DISC1: variants seen among roughly 807,000 people sequenced by gnomAD.
DISC1 encodes the protein DISC1 scaffold protein, also known as disrupted in schizophrenia 1 protein.
In DISC1, 57 loss-of-function variants were observed where a neutral mutation model predicts 84.5. That is an observed-to-expected ratio of 0.67 (90% CI 0.55 to 0.84). The LOEUF is 0.84. DISC1 is among the 40% of genes least tolerant of loss of function. The pLI, the probability that DISC1 is intolerant of heterozygous loss-of-function variation, is 0.00. For missense variants in DISC1, 1,000 were observed against 1,057.8 expected (o/e 0.95, Z 0.76); for synonymous variants, 411 against 415.2 (o/e 0.99, Z 0.12).
chr1:231,848,006 CTT>C (rs2083585793), intron 9 of DISC1, among the ~76,000 whole-genome samples: 3 of 152,264 alleles, frequency 2.0e-5, no homozygotes, highest in African/African-American at 7.2e-5. Context: ...AAGTCCAAGA[CTT>C]TATTTTTTTA....
chr1:231,870,499 G>A (rs1558672552), intron 9 of DISC1, among the ~76,000 whole-genome samples: 1 of 152,206 alleles, frequency 6.6e-6, no homozygotes, highest in Non-Finnish European at 1.5e-5. Flanking sequence ...TCTCTGAGCG[G>A]CCCGAGCTGT....
intron 9 of DISC1, among the ~76,000 whole-genome samples, chr1:231,922,100 C>T (rs923523935): frequency 5.3e-5 from 8 of 152,150 alleles, no homozygotes; most frequent in Non-Finnish European, 1.0e-4. Flanking sequence ...TGGGTGAATC[C>T]TGATTCTGCC....
chr1:231,999,849 A>C (rs933648588), intron 10 of DISC1, among the ~76,000 whole-genome samples: 16 of 135,632 alleles, frequency 1.2e-4, no homozygotes, highest in African/African-American at 4.4e-4. Flanking sequence ...ACAACAACAA[A>C]ACAACCAACT....
rs947881419 is a variant in DISC1, at chr1:231,679,360, G to T, written c.68-14466G>T. ...GGAGCAGCCAGCACCTCTGCTTCCT[G>T]CCTCCTCTGGCAGATGGCCCTGATC... is the stretch of plus-strand genomic sequence containing the variant. On this transcript the variant is annotated intron_variant, in intron 1 of 12. Transcript: ENST00000439617. Among the ~76,000 whole-genome samples the T allele has an allele frequency of 5.9e-5, 9 of 152,342 alleles. No individual in the cohort carries two copies. In the South Asian group the frequency reaches 1.5e-3, roughly 25 times the overall value.
In DISC1 at chr1:231,958,775, AT is replaced by A. The variant is rs1659968594; in HGVS notation, c.1982-51del. The A allele has an allele frequency of 9.0e-6, 14 of 1,552,488 alleles. No homozygotes were observed. In the South Asian group the frequency reaches 1.5e-4, roughly 16 times the overall value. On this transcript the variant is annotated intron_variant, in intron 9 of 12. Transcript: ENST00000439617. The stretch of plus-strand genomic sequence containing the variant: ...TTGAGCTTTTAGTTGAATGGTTTTT[AT>A]TCAATTGTGACTGCAGTTGCATTAA...
At chr1:231,977,837 TTAA>T (rs1166572479) in intron 10 of DISC1, among the ~76,000 whole-genome samples, 10 of 152,306 alleles carry the variant, frequency 6.6e-5, no homozygotes, top group Non-Finnish European at 1.2e-4. Context: ...CCTAAAAACA[TTAA>T]TAAGAATTCT....
chr1:231,948,926 G>A (rs1158664711), intron 9 of DISC1, among the ~76,000 whole-genome samples: 1 of 143,596 alleles, frequency 7.0e-6, no homozygotes, highest in African/African-American at 2.6e-5. Flanking sequence ...CTGGAGTGCA[G>A]TGGTGCGATC....
rs577456285 is a variant in DISC1 at position 231,675,538 on chromosome 1, A to T, written c.68-18288A>T. ...ATTTCTCCCTCATACATGTACATTT[A>T]CTCTCAAAATTTCCTGGGCTAGTAG... On this transcript the variant is annotated intron_variant, in intron 1 of 12. Transcript: ENST00000439617. This position sits in a 1 kb window ranked among gnomAD's most constrained non-coding sequence, Gnocchi z 4.1. Among the ~76,000 whole-genome samples, 1 of 152,162 alleles carries T rather than the reference A, an allele frequency of 6.6e-6. No homozygotes were observed. The highest frequency in any genetic ancestry group is 2.1e-4 in the South Asian group (1 of 4,826).
At chr1:231,741,523 G>T (rs975763333) in intron 3 of DISC1, among the ~76,000 whole-genome samples, 17 of 152,204 alleles carry the variant, frequency 1.1e-4, no homozygotes, top group African/African-American at 3.9e-4. Flanking sequence ...ACTATACAAT[G>T]ACCAACACTG....
chr1:231,779,562 T>G lies in DISC1; in HGVS notation c.1634+8492T>G, dbSNP rs539323520. Among the ~76,000 whole-genome samples, 181 of 141,798 alleles carry G rather than the reference T, an allele frequency of 1.3e-3. No homozygotes were observed. In the South Asian group the frequency reaches 0.021, roughly 16 times the overall value. The allele number at this position is 141,798 out of a possible 152,430, so 93.0% of individuals were successfully genotyped here. A position where few individuals can be genotyped will look rare whatever the true frequency, so the allele number is the denominator to read the frequency against. On this transcript the variant is annotated intron_variant, in intron 6 of 12. Coordinates refer to ENST00000439617, the MANE Select transcript of DISC1 (RefSeq NM_018662.3). ...CAACCTATTCTTGTTTTTTTTTTTT[T>G]TTTTTTTTTTTTTTTTAAGATGGAG...
intron 6 of DISC1, among the ~76,000 whole-genome samples, chr1:231,785,257 TTTTATTTATTTATTTATTTA>T (rs71573142): frequency 1.9e-5 from 2 of 104,830 alleles, no homozygotes; most frequent in South Asian, 3.9e-4. Context: ...GTGTGTGTTA[TTTTATTTATTTATTTATTTA>T]TTTATTTATT....
intron 1 of DISC1, among the ~76,000 whole-genome samples, chr1:231,634,871 T>C (rs1253829774): frequency 6.6e-6 from 1 of 151,282 alleles, no homozygotes; most frequent in African/African-American, 2.4e-5. Context: ...TGCTTGTGCC[T>C]ACAAATAGCC....
Position 231,725,162 on chromosome 1 carries a change from G to C in DISC1, c.1117+23138G>C, listed in dbSNP as rs74146717. Among the ~76,000 whole-genome samples the C allele has an allele frequency of 2.7e-3, 404 of 152,226 alleles. 2 individuals are homozygous for C. The highest frequency in any genetic ancestry group is 9.0e-3 in the African/African-American group (375 of 41,522). On this transcript the variant is annotated intron_variant, in intron 3 of 12. Transcript: ENST00000439617. ...GTGACGTCCCCAGTGATCAGGCTTC[G>C]TGGGGATGCTCAAGTCCCTCTTGAT...
In DISC1 at chr1:231,917,596, G is replaced by A. The variant is rs566699175; in HGVS notation, c.1982-41232G>A. On this transcript the variant is annotated intron_variant, in intron 9 of 12. Transcript: ENST00000439617. Reference sequence around the variant, plus strand: ...GGCTACATAGAACGAGTGAGCGCCAGGACTGACAGTTCCTTCCTGCTCTGG... The same window carrying A: ...GGCTACATAGAACGAGTGAGCGCCAAGACTGACAGTTCCTTCCTGCTCTGG... Among the ~76,000 whole-genome samples, 7 of 152,174 alleles carry A rather than the reference G, an allele frequency of 4.6e-5. No homozygotes were observed. In the East Asian group the frequency reaches 1.3e-3, roughly 29 times the overall value.
rs1215418619 is a variant in DISC1, at chr1:232,040,939, A to G, written c.*4108A>G. ...ATTGGTGTTTTTCAGAAGTGTTCCA[A>G]TATTATGAATTCTGTGTTGTGGAGA... On this transcript the variant is annotated 3_prime_UTR_variant, in exon 13 of 13. Coordinates refer to ENST00000439617, the MANE Select transcript of DISC1 (RefSeq NM_018662.3). The G allele has an allele frequency of 6.6e-6, 1 of 152,196 alleles. No homozygotes were observed. The highest frequency in any genetic ancestry group is 2.4e-5 in the African/African-American group (1 of 41,450). 9.4% of individuals were successfully genotyped at this position (152,196 alleles called of 1,614,324 possible).
At chr1:231,945,852 A>C (rs549153123) in intron 9 of DISC1, among the ~76,000 whole-genome samples, 2 of 152,254 alleles carry the variant, frequency 1.3e-5, no homozygotes, top group African/African-American at 4.8e-5. Context: ...CAAATGAACT[A>C]GAAAATCTGG....
intron 3 of DISC1, among the ~76,000 whole-genome samples, chr1:231,722,304 A>G (rs2069888959): frequency 6.6e-6 from 1 of 152,188 alleles, no homozygotes; most frequent in Non-Finnish European, 1.5e-5. Context: ...AGTAAAAAAC[A>G]CAGTATGCTA....
chr1:231,627,943 G>A (rs1222662428), intron 1 of DISC1, among the ~76,000 whole-genome samples: 2 of 152,164 alleles, frequency 1.3e-5, no homozygotes, highest in Non-Finnish European at 2.9e-5. Flanking sequence ...TCCTGGACAT[G>A]CAGGAGACTA....
At chr1:231,733,687 G>A (rs56150927) in intron 3 of DISC1, among the ~76,000 whole-genome samples, 30,161 of 149,390 alleles carry the variant, frequency 0.2, 3,285 homozygotes, top group East Asian at 0.33. Context: ...GGGAGAAGTC[G>A]TAGTGGTGGT....
Sources: gnomAD v4.1 joint callset for allele counts (sites outside exome capture counted in the v4.1 genomes callset) on GRCh38, gnomAD v4.1.1 for gene constraint, Gnocchi (gnomAD v3.1) non-coding constraint, MANE v1.5 for transcripts, NCBI Gene and HGNC (gene_info 2026-07-23, HGNC 2026-07-21) for gene names.